The following DPYSL2 variants were observed in gnomAD, a reference collection of about 807,000 sequenced individuals.
DPYSL2 encodes the protein dihydropyrimidinase like 2, also known as dihydropyrimidinase-related protein 2.
In DPYSL2, 13 loss-of-function variants were observed where a neutral mutation model predicts 69.9. That is an observed-to-expected ratio of 0.19 (90% confidence interval 0.12 to 0.30). The LOEUF (loss-of-function observed/expected upper bound fraction) is 0.30. Ranked by LOEUF, DPYSL2 falls within the 10% of genes least tolerant of loss-of-function variation. The probability of loss-of-function intolerance (pLI) is 1.00; values close to 1 mark genes in which losing one functional copy is unlikely to be tolerated. For synonymous variants in DPYSL2, 326 were observed against 359.1 expected (o/e 0.91, Z 1.04); for missense variants, 587 against 918.9 (o/e 0.64, Z 4.67).
chr8:26,655,879 T>C lies in DPYSL2; in HGVS notation c.*173T>C. On this transcript the variant is annotated 3_prime_UTR_variant, in exon 14 of 14. Coordinates refer to ENST00000521913, the MANE Select transcript of DPYSL2 (RefSeq NM_001197293.3). Reference sequence around the variant, plus strand: ...CCCTTGGGGCCCCACACCCCGTCTCTCACCAAGAGTTACTGATTTTGCTCA... The same window carrying C: ...CCCTTGGGGCCCCACACCCCGTCTCCCACCAAGAGTTACTGATTTTGCTCA... The C allele has an allele frequency of 2.0e-6, 1 of 501,916 alleles. No homozygotes were observed. Among genetic ancestry groups the C allele is most frequent in the Non-Finnish European group, 3.4e-6 (1 of 292,076 alleles). The allele number at this position is 501,916 out of a possible 1,614,324, so 31.1% of individuals were successfully genotyped here. A position where few individuals can be genotyped will look rare whatever the true frequency, so the allele number is the denominator to read the frequency against.
chr8:26,648,791 A>C lies in DPYSL2; in HGVS notation c.1596+991A>C, dbSNP rs1803223792. Among the ~76,000 whole-genome samples, 1 of 152,172 alleles carries C rather than the reference A, an allele frequency of 6.6e-6. No individual in the cohort carries two copies. Among genetic ancestry groups the C allele is most frequent in the Non-Finnish European group, 1.5e-5 (1 of 68,030 alleles). On this transcript the variant is annotated intron_variant, in intron 11 of 13. Transcript: ENST00000521913. This position sits in a 1 kb window ranked among gnomAD's most constrained non-coding sequence, Gnocchi z 4.3. The stretch of plus-strand genomic sequence containing the variant: ...CCTGTCCCAGTCCTCTCTCATTTGC[A>C]CACACAGAGGTGTTTGGGCTGCAAT...
chr8:26,623,057 G>T (rs936748124), intron 3 of DPYSL2, among the ~76,000 whole-genome samples: 1 of 152,204 alleles, frequency 6.6e-6, no homozygotes, highest in Non-Finnish European at 1.5e-5. Flanking sequence ...CAGAAGATGG[G>T]TAGTAATAGT....
rs1803207747 is a variant in DPYSL2, at chr8:26,647,999, T to A, written c.1596+199T>A. Among the ~76,000 whole-genome samples the A allele has an allele frequency of 6.6e-6, 1 of 152,200 alleles. No homozygotes were observed. On this transcript the variant is annotated intron_variant, in intron 11 of 13. Coordinates refer to ENST00000521913, the MANE Select transcript of DPYSL2 (RefSeq NM_001197293.3). This position sits in a 1 kb window ranked among gnomAD's most constrained non-coding sequence, Gnocchi z 5.1. Reference sequence around the variant, plus strand: ...AGTGAGGTCAATAAGATTGTTACTCTCATAATCATTTTGGAATACCACAGC... The same window carrying A: ...AGTGAGGTCAATAAGATTGTTACTCACATAATCATTTTGGAATACCACAGC...
At chr8:26,561,375 T>A (rs540558075) in intron 1 of DPYSL2, among the ~76,000 whole-genome samples, 78 of 152,306 alleles carry the variant, frequency 5.1e-4, no homozygotes, top group African/African-American at 1.8e-3. Context: ...GTAGAATTAT[T>A]TGACTTAATT....
intron 3 of DPYSL2, among the ~76,000 whole-genome samples, chr8:26,603,153 T>G (rs1250394875): frequency 6.6e-6 from 1 of 152,214 alleles, no homozygotes; most frequent in Non-Finnish European, 1.5e-5. Context: ...GTTTTCTTTC[T>G]TCTTTATTTA....
intron 11 of DPYSL2, among the ~76,000 whole-genome samples, chr8:26,651,199 C>T (rs900318169): frequency 2.6e-5 from 4 of 152,188 alleles, no homozygotes; most frequent in Admixed American, 6.5e-5. Context: ...TGACAGCCCT[C>T]GTGGTTGTTT....
chr8:26,562,032 C>A lies in DPYSL2; in HGVS notation c.355-19937C>A, dbSNP rs1277569278. Among the ~76,000 whole-genome samples, 2 of 152,156 alleles carry A rather than the reference C, an allele frequency of 1.3e-5. No individual in the cohort carries two copies. Among genetic ancestry groups the A allele is most frequent in the Non-Finnish European group, 2.9e-5 (2 of 68,026 alleles). ...ATATTATAGTTTTATTTACATACCACCATTCACCTTGATTCAATCCCCCAA... is the reference window on the plus strand; with the variant it reads ...ATATTATAGTTTTATTTACATACCAACATTCACCTTGATTCAATCCCCCAA... On this transcript the variant is annotated intron_variant, in intron 1 of 13. Coordinates refer to ENST00000521913, the MANE Select transcript of DPYSL2 (RefSeq NM_001197293.3). The surrounding 1 kb of genome is among the most constrained non-coding windows in gnomAD (Gnocchi z 4.9).
Position 26,648,152 on chromosome 8 carries a change from A to T in DPYSL2, c.1596+352A>T, listed in dbSNP as rs1365191173. 6.6e-6 allele frequency among the ~76,000 whole-genome samples: 1 copy of T among 152,088 alleles called. No homozygotes were observed. Among genetic ancestry groups the T allele is most frequent in the Non-Finnish European group, 1.5e-5 (1 of 68,014 alleles). On this transcript the variant is annotated intron_variant, in intron 11 of 13. Coordinates refer to ENST00000521913, the MANE Select transcript of DPYSL2 (RefSeq NM_001197293.3). The surrounding 1 kb of genome is among the most constrained non-coding windows in gnomAD (Gnocchi z 4.3). Reference sequence around the variant, plus strand: ...CTCATGGCAGTACTTGGTGCAAGGGACCTCAATGAAGCAGTGAGATGTCCT... The same window carrying T: ...CTCATGGCAGTACTTGGTGCAAGGGTCCTCAATGAAGCAGTGAGATGTCCT...
intron 1 of DPYSL2, among the ~76,000 whole-genome samples, chr8:26,559,016 C>T (rs377101809): frequency 1.1e-4 from 16 of 152,274 alleles, no homozygotes; most frequent in Admixed American, 9.1e-4. Context: ...CATCTCAGCT[C>T]GCTGCAACCT....
intron 1 of DPYSL2, chr8:26,577,716 G>A (rs566864457): frequency 5.0e-6 from 4 of 798,998 alleles, no homozygotes; most frequent in South Asian, 1.1e-4. Context: ...GAAAGCGCGC[G>A]AAAGGCGCGC....
chr8:26,538,357 A>C (rs1419509207), intron 1 of DPYSL2, among the ~76,000 whole-genome samples: 2 of 152,176 alleles, frequency 1.3e-5, no homozygotes, highest in Non-Finnish European at 2.9e-5. Context: ...TGGAGCATGA[A>C]AACTGAGGAT....
intron 8 of DPYSL2, among the ~76,000 whole-genome samples, chr8:26,635,718 C>T (rs1248497726): frequency 6.6e-6 from 1 of 152,158 alleles, no homozygotes; most frequent in East Asian, 1.9e-4. Context: ...TATGTTCCCT[C>T]CTCCCCTTTG....
In DPYSL2 at chr8:26,591,542, C is replaced by G. The variant is rs1268395289; in HGVS notation, c.628+7559C>G. Among the ~76,000 whole-genome samples, 1 of 152,226 alleles carries G rather than the reference C, an allele frequency of 6.6e-6. No homozygotes were observed. The highest frequency in any genetic ancestry group is 1.5e-5 in the Non-Finnish European group (1 of 68,042). On this transcript the variant is annotated intron_variant, in intron 3 of 13. Coordinates refer to ENST00000521913, the MANE Select transcript of DPYSL2 (RefSeq NM_001197293.3). This position sits in a 1 kb window ranked among gnomAD's most constrained non-coding sequence, Gnocchi z 5.8. ...CTGGCTGTGGGGGCAGCCAGAGAAGCTGCCCAATGAGTCTGATGGGAGCCA... is the reference window on the plus strand; with the variant it reads ...CTGGCTGTGGGGGCAGCCAGAGAAGGTGCCCAATGAGTCTGATGGGAGCCA...
In DPYSL2 at chr8:26,650,546, T is replaced by C. The variant is rs1803259894; in HGVS notation, c.1597-1711T>C. Among the ~76,000 whole-genome samples the C allele has an allele frequency of 6.6e-6, 1 of 152,150 alleles. No individual in the cohort carries two copies. Among genetic ancestry groups the C allele is most frequent in the African/African-American group, 2.4e-5 (1 of 41,418 alleles). On this transcript the variant is annotated intron_variant, in intron 11 of 13. Transcript: ENST00000521913. The surrounding 1 kb of genome is among the most constrained non-coding windows in gnomAD (Gnocchi z 5.3). ...AAGCTGAGACAGGATTAAAGCAATC[T>C]CCCCAGAGTCACACAACTTCTGGAT... is the stretch of plus-strand genomic sequence containing the variant.
chr8:26,629,598 G>A (rs1304416661), intron 7 of DPYSL2, among the ~76,000 whole-genome samples: 2 of 152,230 alleles, frequency 1.3e-5, no homozygotes, highest in African/African-American at 2.4e-5. Context: ...ACAGGCCCGA[G>A]GATGAGGGAG....
intron 2 of DPYSL2, 25 bp from the exon 3 acceptor site, chr8:26,583,774 C>A: frequency 6.3e-7 from 1 of 1,593,152 alleles, no homozygotes; most frequent in Non-Finnish European, 8.6e-7. Flanking sequence ...ATTTACAACC[C>A]TTATCACCAA....
intron 1 of DPYSL2, chr8:26,577,254 C>T (rs1801371140): frequency 2.5e-6 from 1 of 395,292 alleles, no homozygotes; most frequent in South Asian, 1.7e-5. Flanking sequence ...GAGCCGGGCC[C>T]GGACGCTCCC....
rs1376044223 is a variant in DPYSL2 at position 26,654,542 on chromosome 8, G to A, written c.1943-1073G>A. ...CTTTACTTTGTTGTAAGTAAAACGT[G>A]TATAATCATGTCTGTGTTTTCTGAT... On this transcript the variant is annotated intron_variant, in intron 13 of 13. Transcript: ENST00000521913. The surrounding 1 kb of genome is among the most constrained non-coding windows in gnomAD (Gnocchi z 5.0). Among the ~76,000 whole-genome samples, 1 of 152,126 alleles carries A rather than the reference G, an allele frequency of 6.6e-6. No homozygotes were observed. Among genetic ancestry groups the A allele is most frequent in the East Asian group, 1.9e-4 (1 of 5,190 alleles).
At chr8:26,555,959 T>G (rs942598204) in intron 1 of DPYSL2, among the ~76,000 whole-genome samples, 10 of 122,478 alleles carry the variant, frequency 8.2e-5, no homozygotes, top group Non-Finnish European at 1.1e-4. Context: ...TATACATGTA[T>G]TATATATTAT....
Sources: gnomAD v4.1 joint callset for allele counts (sites outside exome capture counted in the v4.1 genomes callset) on GRCh38, gnomAD v4.1.1 for gene constraint, Gnocchi (gnomAD v3.1) non-coding constraint, MANE v1.5 for transcripts, NCBI Gene and HGNC (gene_info 2026-07-23, HGNC 2026-07-21) for gene names.